The following IMPACT variants were observed in gnomAD, a reference collection of about 807,000 sequenced individuals.
IMPACT encodes protein IMPACT.
IMPACT carries 35 observed loss-of-function variants against 47.5 expected under a neutral mutation model. The ratio of observed to expected loss-of-function variants is 0.74; its 90% CI spans 0.56 to 0.98. IMPACT has a LOEUF of 0.98. Ranked by LOEUF, IMPACT falls within the 50% of genes least tolerant of loss-of-function variation. The probability of loss-of-function intolerance (pLI) is 0.00; values close to 1 mark genes in which losing one functional copy is unlikely to be tolerated. For missense variants in IMPACT, 373 were observed against 394.8 expected (o/e 0.94, Z 0.47); for synonymous variants, 118 against 125.6 (o/e 0.94, Z 0.40).
In IMPACT at chr18:24,426,677, T is replaced by C; in HGVS notation, c.-80T>C. The C allele has an allele frequency of 1.1e-5, 12 of 1,088,998 alleles. No individual in the cohort carries two copies. Among genetic ancestry groups the C allele is most frequent in the Non-Finnish European group, 1.3e-5 (11 of 857,896 alleles). The allele number at this position is 1,088,998 out of a possible 1,614,324, so 67.5% of individuals were successfully genotyped here. A position where few individuals can be genotyped will look rare whatever the true frequency, so the allele number is the denominator to read the frequency against. On this transcript the variant is annotated 5_prime_UTR_variant, in exon 1 of 11. Coordinates refer to ENST00000284202, the MANE Select transcript of IMPACT (RefSeq NM_018439.4). ...CGGGTCGGGCCGCGCCGCAGCCAGC[T>C]CTCGGCTCGCAGCCGCAGCGCCCCG...
intron 9 of IMPACT, among the ~76,000 whole-genome samples, chr18:24,449,298 A>G (rs1909320410): frequency 6.6e-6 from 1 of 152,182 alleles, no homozygotes; most frequent in African/African-American, 2.4e-5. Context: ...CCCAGGAGGC[A>G]GAGGTTGCAG....
chr18:24,443,668 G>T (rs1909174959), intron 7 of IMPACT, among the ~76,000 whole-genome samples: 1 of 152,180 alleles, frequency 6.6e-6, no homozygotes, highest in Admixed American at 6.5e-5. Flanking sequence ...ATTCAACAAA[G>T]GGGACAGTGG....
intron 4 of IMPACT, among the ~76,000 whole-genome samples, chr18:24,436,802 C>T (rs763751164): frequency 2.0e-5 from 3 of 152,064 alleles, no homozygotes; most frequent in Admixed American, 6.6e-5. Context: ...CTGCCCACCC[C>T]GGCCCACCAA....
intron 4 of IMPACT, among the ~76,000 whole-genome samples, chr18:24,431,816 C>T (rs1908763865): frequency 6.6e-6 from 1 of 152,074 alleles, no homozygotes; most frequent in South Asian, 2.1e-4. Context: ...GTTCTCCAGC[C>T]TCAGCCTCCT....
At chr18:24,430,972 G>C (rs1908740278) in intron 4 of IMPACT, among the ~76,000 whole-genome samples, 1 of 152,120 alleles carries the variant, frequency 6.6e-6, no homozygotes. Flanking sequence ...CTATTGATGG[G>C]CTATATTCTT....
At chr18:24,429,630 C>T (rs1001251024) in intron 3 of IMPACT, 2 of 151,932 alleles carry the variant, frequency 1.3e-5, no homozygotes, top group Non-Finnish European at 1.5e-5. Flanking sequence ...AACTCAATTA[C>T]TAGAATTTGT....
chr18:24,446,834 C>G (rs573071897), intron 8 of IMPACT, among the ~76,000 whole-genome samples: 1 of 152,130 alleles, frequency 6.6e-6, no homozygotes. Flanking sequence ...TTAAAATGGG[C>G]TGTAAAAATT....
chr18:24,450,594 C>T (rs1051502740), intron 10 of IMPACT, among the ~76,000 whole-genome samples, 185 bp from the exon 11 acceptor site: 2 of 151,700 alleles, frequency 1.3e-5, no homozygotes, highest in African/African-American at 4.8e-5. Context: ...GTGAAAGTAC[C>T]CTTTAAAACA....
intron 7 of IMPACT, among the ~76,000 whole-genome samples, chr18:24,444,417 TC>T (rs1165106098): frequency 1.3e-5 from 2 of 152,222 alleles, no homozygotes; most frequent in Non-Finnish European, 2.9e-5. Flanking sequence ...AGCTCAGTCT[TC>T]CCTGCCACCA....
intron 8 of IMPACT, among the ~76,000 whole-genome samples, chr18:24,446,536 T>G (rs977553585): frequency 2.0e-5 from 3 of 152,192 alleles, no homozygotes; most frequent in Admixed American, 1.3e-4. Flanking sequence ...GTACATAGTT[T>G]AGGCCTAAAA....
Position 24,427,914 on chromosome 18 carries a change from T to G in IMPACT, c.37-5T>G, listed in dbSNP as rs774768712. 1.6e-5 allele frequency: 25 copies of G among 1,595,266 alleles called. No individual in the cohort carries two copies. Among genetic ancestry groups the G allele is most frequent in the Admixed American group, 5.6e-5 (3 of 53,850 alleles). ...GTTGACTTTTAAAAAATCAATTTCTTTCAGAATGAGGAAATTGAAGCAATG... is the reference window on the plus strand; with the variant it reads ...GTTGACTTTTAAAAAATCAATTTCTGTCAGAATGAGGAAATTGAAGCAATG... On this transcript the variant is annotated splice_region_variant and splice_polypyrimidine_tract_variant and intron_variant, in intron 1 of 10. Coordinates refer to ENST00000284202, the MANE Select transcript of IMPACT (RefSeq NM_018439.4).
rs549264334 is a variant in IMPACT at position 24,450,098 on chromosome 18, A to C, written c.894+145A>C. On this transcript the variant is annotated intron_variant, in intron 10 of 10. Coordinates refer to ENST00000284202, the MANE Select transcript of IMPACT (RefSeq NM_018439.4). ...CTCAGAACCTGGAGACCTAGACTCTAAACAGTGTGTCTGGCCAGTCACGTG... is the reference window on the plus strand; with the variant it reads ...CTCAGAACCTGGAGACCTAGACTCTCAACAGTGTGTCTGGCCAGTCACGTG... 89 of 805,910 alleles carry C rather than the reference A, an allele frequency of 1.1e-4. No homozygotes were observed. The African/African-American group carries it at 1.3e-3, about 12-fold the overall frequency. 49.9% of individuals were successfully genotyped at this position (805,910 alleles called of 1,614,324 possible). A position where few individuals can be genotyped will look rare whatever the true frequency, so the allele number is the denominator to read the frequency against.
At chr18:24,430,910 C>T (rs1435104536) in intron 4 of IMPACT, among the ~76,000 whole-genome samples, 8 of 152,162 alleles carry the variant, frequency 5.3e-5, no homozygotes, top group Non-Finnish European at 1.2e-4. Context: ...TCTTAAATGT[C>T]TATGTACTTT....
intron 1 of IMPACT, 173 bp downstream of exon 1, chr18:24,426,965 C>A: frequency 2.2e-6 from 1 of 444,632 alleles, no homozygotes; most frequent in Non-Finnish European, 3.7e-6. Flanking sequence ...GTCGGCCGAG[C>A]GCTCTTAGGC....
chr18:24,439,111 C>T (rs538428723), intron 5 of IMPACT, among the ~76,000 whole-genome samples: 6 of 152,136 alleles, frequency 3.9e-5, no homozygotes, highest in African/African-American at 7.2e-5. Context: ...ATGTTAAGGC[C>T]ATCAGCTGAT....
chr18:24,447,610 T>C (rs1170372667), intron 8 of IMPACT, among the ~76,000 whole-genome samples: 14 of 152,182 alleles, frequency 9.2e-5, no homozygotes, highest in Admixed American at 9.2e-4. Flanking sequence ...AAGTATAAAA[T>C]ATTACCTTAT....
rs139455039 is a variant in IMPACT, at chr18:24,436,752, A to T, written c.282-1203A>T. Among the ~76,000 whole-genome samples the T allele has an allele frequency of 3.4e-3, 510 of 151,148 alleles. 3 individuals are homozygous for T. Among genetic ancestry groups the T allele is most frequent in the African/African-American group, 0.011 (463 of 41,166 alleles). ...TTTTTGTAGAGATGGGGTTTTGCCA[A>T]GTTGCCCAGGCTGGTCTCGAACTCT... On this transcript the variant is annotated intron_variant, in intron 4 of 10. Transcript: ENST00000284202.
chr18:24,428,538 A>G (rs1040501741), intron 2 of IMPACT, among the ~76,000 whole-genome samples: 1 of 152,248 alleles, frequency 6.6e-6, no homozygotes, highest in South Asian at 2.1e-4. Context: ...TACTTTCAAC[A>G]TAAAGGATGC....
chr18:24,427,127 A>C, intron 1 of IMPACT: 2 of 281,188 alleles, frequency 7.1e-6, no homozygotes, highest in Non-Finnish European at 6.6e-6. Context: ...CAAATCACTT[A>C]AGAATTCGGG....
Sources: allele counts gnomAD v4.1 joint callset (sites outside exome capture counted in the v4.1 genomes callset), GRCh38; gene constraint gnomAD v4.1.1; transcripts MANE v1.5; gene names NCBI Gene and HGNC (gene_info 2026-07-23, HGNC 2026-07-21).